OTOG: variants seen among roughly 807,000 people sequenced by gnomAD.
The protein encoded by OTOG is otogelin.
A neutral mutation model predicts 313.8 loss-of-function variants in OTOG; 296 were observed. The observed-to-expected ratio is 0.94, with a 90% confidence interval of 0.86 to 1.04. The LOEUF (loss-of-function observed/expected upper bound fraction) is 1.04. OTOG is among the 50% of genes least tolerant of loss of function. OTOG has a pLI of 0.00. For missense variants in OTOG, 3,948 were observed against 3,840.1 expected, an observed-to-expected ratio of 1.03 and a Z score of -0.74; for synonymous variants, 1,533 against 1,554.9, an observed-to-expected ratio of 0.99 and a Z score of 0.33.
chr11:17,562,933 A>G (rs898054132), intron 15 of OTOG, among the ~76,000 whole-genome samples: 2 of 152,210 alleles, frequency 1.3e-5, no homozygotes, highest in Non-Finnish European at 1.5e-5. Context: ...TTGGTGGGCA[A>G]GGCAGGCAAG....
intron 49 of OTOG, among the ~76,000 whole-genome samples, chr11:17,639,938 A>G (rs1011575246): frequency 6.7e-6 from 1 of 149,370 alleles, no homozygotes; most frequent in Non-Finnish European, 1.5e-5. Flanking sequence ...GGTGATGGTG[A>G]TAATGCAATG....
chr11:17,575,815 G>T (rs575328721), intron 20 of OTOG, among the ~76,000 whole-genome samples: 8 of 152,138 alleles, frequency 5.3e-5, no homozygotes, highest in Admixed American at 3.9e-4. Context: ...CCAACGAAAG[G>T]GGTCTGTGTG....
At chr11:17,617,123 T>C (rs1853740086) in intron 39 of OTOG, among the ~76,000 whole-genome samples, 1 of 152,262 alleles carries the variant, frequency 6.6e-6, no homozygotes, top group Non-Finnish European at 1.5e-5. Context: ...TCACATTGTT[T>C]TTCTTTTTCA....
At position 17,635,742 on chromosome 11, in the gene OTOG, C is replaced by T. The variant is rs773225074; in HGVS notation, c.7795+31C>T. 5.9e-5 allele frequency: 89 copies of T among 1,520,716 alleles called. No homozygotes were observed. The South Asian group carries it at 6.7e-4, about 11-fold the overall frequency. 94.2% of individuals were successfully genotyped at this position (1,520,716 alleles called of 1,614,324 possible). On this transcript the variant is annotated intron_variant, in intron 47 of 55. Coordinates refer to ENST00000399397, the MANE Select transcript of OTOG (RefSeq NM_001292063.2). ...TCCTGGCTGGGCACATGGCGGGCTG[C>T]GGCAGGAAGGGGCCCTTCACAGAGT...
Position 17,586,595 on chromosome 11 carries a change from C to T in OTOG, c.2867+14C>T. ...TTGCCATACCTGGTAAGTGAGGGTC[C>T]CAAGCAGGCTTTGCTTTTTTGCTGG... On this transcript the variant is annotated intron_variant, in intron 24 of 55. Transcript: ENST00000399397. The T allele has an allele frequency of 7.4e-7, 1 of 1,346,770 alleles. No homozygotes were observed. Among genetic ancestry groups the T allele is most frequent in the Non-Finnish European group, 9.6e-7 (1 of 1,038,418 alleles). 83.4% of individuals were successfully genotyped at this position (1,346,770 alleles called of 1,614,324 possible). A position where few individuals can be genotyped will look rare whatever the true frequency, so the allele number is the denominator to read the frequency against.
At chr11:17,584,678 A>G (rs1852753133) in intron 23 of OTOG, among the ~76,000 whole-genome samples, 1 of 152,168 alleles carries the variant, frequency 6.6e-6, no homozygotes, top group Non-Finnish European at 1.5e-5. Context: ...GGCATGGGCC[A>G]TCACGTCTGG....
At chr11:17,612,013 G>T (rs925446199) in intron 36 of OTOG, 149 bp from the exon 37 acceptor site, 27 of 939,992 alleles carry the variant, frequency 2.9e-5, no homozygotes, top group African/African-American at 8.2e-5. Flanking sequence ...CACATGGCTT[G>T]TGGTGGGTAG....
At position 17,643,526 on chromosome 11, in the gene OTOG, G is replaced by A. The variant is rs1848015078; in HGVS notation, c.8461+20G>A. ...GGACCTGTGAGTGAGCATGGTGGGGGCCCAGGGGTGGGGGGCTCTGATGGG... is the reference window on the plus strand; with the variant it reads ...GGACCTGTGAGTGAGCATGGTGGGGACCCAGGGGTGGGGGGCTCTGATGGG... On this transcript the variant is annotated intron_variant, in intron 54 of 55. Transcript: ENST00000399397. 5 of 1,380,386 alleles carry A rather than the reference G, an allele frequency of 3.6e-6. No individual in the cohort carries two copies. The highest frequency in any genetic ancestry group is 1.5e-5 in the African/African-American group (1 of 66,890). 85.5% of individuals were successfully genotyped at this position (1,380,386 alleles called of 1,614,324 possible). A position where few individuals can be genotyped will look rare whatever the true frequency, so the allele number is the denominator to read the frequency against.
At position 17,562,050 on chromosome 11, in the gene OTOG, T is replaced by A. The variant is rs1300677731; in HGVS notation, c.1644+243T>A. On this transcript the variant is annotated intron_variant, in intron 15 of 55. Transcript: ENST00000399397. ...GATTTTACTACCTAAAAAAAAAATA[T>A]ATATATATATATATATATATATGTA... Among the ~76,000 whole-genome samples the A allele has an allele frequency of 0.081, 9,531 of 117,154 alleles. 357 individuals carry two copies. Among genetic ancestry groups the A allele is most frequent in the Middle Eastern group, 0.11 (24 of 218 alleles). The allele number at this position is 117,154 out of a possible 152,430, so 76.9% of individuals were successfully genotyped here.
intron 47 of OTOG, among the ~76,000 whole-genome samples, chr11:17,636,756 C>A (rs1854275853): frequency 6.6e-6 from 1 of 151,902 alleles, no homozygotes; most frequent in Non-Finnish European, 1.5e-5. Flanking sequence ...TCTCGGGGGG[C>A]AGCCTAGTCC....
At chr11:17,622,212 C>T (rs1483011850) in intron 39 of OTOG, among the ~76,000 whole-genome samples, 1 of 152,146 alleles carries the variant, frequency 6.6e-6, no homozygotes, top group Non-Finnish European at 1.5e-5. Context: ...CTGCATAAAA[C>T]AGTCTAATCC....
Position 17,642,187 on chromosome 11 carries a change from G to C in OTOG, c.8356G>C (p.Ala2786Pro). Residue 2786 changes from alanine to proline, a missense_variant, in exon 53 of 56, where the codon GCC (alanine) becomes CCC (proline). Transcript: ENST00000399397. ...RHHCSSTPLG[A>P]VLVRSPISCP... The stretch of plus-strand genomic sequence containing the variant: ...CCACTGCAGCAGCACGCCCCTGGGT[G>C]CCGTGCTGGTCCGCTCTCCCATAAG... The C allele has an allele frequency of 6.5e-7, 1 of 1,550,328 alleles. No individual in the cohort carries two copies. Among genetic ancestry groups the C allele is most frequent in the South Asian group, 1.2e-5 (1 of 84,022 alleles).
chr11:17,571,354 A>G (rs1197405415), intron 17 of OTOG, among the ~76,000 whole-genome samples: 1 of 152,190 alleles, frequency 6.6e-6, no homozygotes, highest in African/African-American at 2.4e-5. Context: ...TCATTGCCCC[A>G]GAACAATAGT....
intron 48 of OTOG, chr11:17,639,057 AAAAAT>A: frequency 3.1e-6 from 1 of 320,622 alleles, no homozygotes; most frequent in Non-Finnish European, 5.9e-6. Context: ...CATCTCAAAG[AAAAAT>A]AAAATAAAAT....
intron 24 of OTOG, among the ~76,000 whole-genome samples, chr11:17,588,813 C>A (rs771435000): frequency 6.6e-6 from 1 of 151,812 alleles, no homozygotes; most frequent in African/African-American, 2.4e-5. Context: ...GTAGATCTTG[C>A]CGTTCCCAAC....
chr11:17,557,326 G>C lies in OTOG; in HGVS notation c.865+3G>C, dbSNP rs1268904895. On this transcript the variant is annotated splice_donor_region_variant and intron_variant, in intron 8 of 55. Coordinates refer to ENST00000399397, the MANE Select transcript of OTOG (RefSeq NM_001292063.2). ...GGATGATCTGGTGACCAGCTCTGGT[G>C]AGGGTCAGACAGGTGGCCTCTGAGG... 1 of 1,550,360 alleles carries C rather than the reference G, an allele frequency of 6.5e-7. No individual in the cohort carries two copies. Among genetic ancestry groups the C allele is most frequent in the East Asian group, 2.4e-5 (1 of 40,896 alleles).
chr11:17,583,203 C>T (rs1307532199), intron 23 of OTOG, among the ~76,000 whole-genome samples: 5 of 152,094 alleles, frequency 3.3e-5, no homozygotes, highest in Admixed American at 6.5e-5. Context: ...GGTGCCATCA[C>T]GGCTCACAGC....
At chr11:17,582,718 A>G (rs1852699291) in intron 23 of OTOG, among the ~76,000 whole-genome samples, 1 of 152,202 alleles carries the variant, frequency 6.6e-6, no homozygotes, top group African/African-American at 2.4e-5. Context: ...AATGACTGTG[A>G]GTAATTTTTC....
chr11:17,615,788 C>T (rs566626869), intron 39 of OTOG, among the ~76,000 whole-genome samples: 60 of 152,102 alleles, frequency 3.9e-4, no homozygotes, highest in African/African-American at 1.4e-3. Flanking sequence ...ATAAGCTGGG[C>T]GTGGTGGCAC....
Sources: allele counts gnomAD v4.1 joint callset (sites outside exome capture counted in the v4.1 genomes callset), GRCh38; gene constraint gnomAD v4.1.1; transcripts MANE v1.5; gene names NCBI Gene and HGNC (gene_info 2026-07-23, HGNC 2026-07-21).